DLG2: variants seen among roughly 807,000 people sequenced by gnomAD.
DLG2 encodes disks large homolog 2.
A neutral mutation model predicts 132.5 loss-of-function variants in DLG2; 45 were observed. The ratio of observed to expected loss-of-function variants is 0.34; its 90% CI spans 0.27 to 0.44. The LOEUF is 0.44. Ranked by LOEUF, DLG2 falls within the 20% of genes least tolerant of loss-of-function variation. DLG2 has a pLI of 1.00. For synonymous variants in DLG2, 424 were observed against 419.6 expected (o/e 1.01, Z -0.13); for missense variants, 1,045 against 1,196.9 (o/e 0.87, Z 1.87).
chr11:84,949,742 G>A (rs193181135), intron 6 of DLG2, among the ~76,000 whole-genome samples: 267 of 152,182 alleles, frequency 1.8e-3, no homozygotes, highest in Non-Finnish European at 3.1e-3. Context: ...ATTTTTCAGG[G>A]TGCCCACATT....
intron 8 of DLG2, among the ~76,000 whole-genome samples, chr11:84,236,306 G>A (rs1424193470): frequency 6.6e-6 from 1 of 152,234 alleles, no homozygotes; most frequent in Non-Finnish European, 1.5e-5. Context: ...TTCAAAGACA[G>A]GGAAATATCA....
chr11:85,162,916 C>T (rs1342636924), intron 4 of DLG2, among the ~76,000 whole-genome samples: 2 of 152,116 alleles, frequency 1.3e-5, no homozygotes, highest in Non-Finnish European at 2.9e-5. Context: ...AGGAGATGAA[C>T]ATTTGAGTCA....
chr11:85,296,919 A>T (rs2152782997), intron 3 of DLG2, among the ~76,000 whole-genome samples: 1 of 150,154 alleles, frequency 6.7e-6, no homozygotes, highest in East Asian at 1.9e-4. Flanking sequence ...AAAATGATAC[A>T]ATCATATTAT....
intron 11 of DLG2, among the ~76,000 whole-genome samples, chr11:84,040,581 T>C (rs879366294): frequency 0.017 from 2,555 of 152,222 alleles, 27 homozygotes; most frequent in Non-Finnish European, 0.025. Context: ...TTGATCCATA[T>C]CTCTGTTTTG....
At chr11:83,949,328 T>C (rs2084834273) in intron 14 of DLG2, among the ~76,000 whole-genome samples, 1 of 152,148 alleles carries the variant, frequency 6.6e-6, no homozygotes, top group Non-Finnish European at 1.5e-5. Flanking sequence ...ACTACACAAA[T>C]AGGTTTTAAC....
At chr11:84,799,788 A>G (rs1289743202) in intron 6 of DLG2, among the ~76,000 whole-genome samples, 3 of 152,222 alleles carry the variant, frequency 2.0e-5, no homozygotes, top group African/African-American at 4.8e-5. Context: ...TTTCCTGAGT[A>G]GCCTTCTCTG....
At chr11:85,392,358 C>T (rs1305521386) in intron 3 of DLG2, among the ~76,000 whole-genome samples, 8 of 151,724 alleles carry the variant, frequency 5.3e-5, no homozygotes, top group Non-Finnish European at 7.4e-5. Context: ...AATGACCATA[C>T]TGCCAAAAGC....
chr11:84,871,265 G>C (rs2085416680), intron 6 of DLG2, among the ~76,000 whole-genome samples: 1 of 152,170 alleles, frequency 6.6e-6, no homozygotes. Context: ...TAGCTCCCTA[G>C]AATCTTATTT....
intron 4 of DLG2, among the ~76,000 whole-genome samples, chr11:85,272,782 G>A (rs1306777746): frequency 5.9e-5 from 9 of 152,056 alleles, no homozygotes; most frequent in Non-Finnish European, 1.3e-4. Flanking sequence ...CCAAAAAAGA[G>A]CCCGCATCAC....
In DLG2 at chr11:85,598,422, T is replaced by C. The variant is rs567114904; in HGVS notation, c.40+235A>G. ...ATGAAACATTCTTTCAATATTTATA[T>C]CTTTCAATAACCTCTTTTTATTTAT... On this transcript the variant is annotated intron_variant, in intron 3 of 27. Coordinates refer to ENST00000376104, the MANE Select transcript of DLG2 (RefSeq NM_001142699.3). Among the ~76,000 whole-genome samples, 62 of 152,274 alleles carry C rather than the reference T, an allele frequency of 4.1e-4. 1 individual carries two copies. In the South Asian group the frequency reaches 0.012, roughly 30 times the overall value.
intron 19 of DLG2, among the ~76,000 whole-genome samples, chr11:83,619,783 T>G (rs2061360647): frequency 6.6e-6 from 1 of 152,012 alleles, no homozygotes; most frequent in Admixed American, 6.5e-5. Context: ...GCATAGGCCT[T>G]TTAGGTGGAG....
intron 16 of DLG2, among the ~76,000 whole-genome samples, chr11:83,844,098 C>T (rs953657432): frequency 1.3e-5 from 2 of 151,976 alleles, no homozygotes; most frequent in Non-Finnish European, 2.9e-5. Context: ...ACTGTGTGAG[C>T]CCAGTGGTGG....
At chr11:85,107,059 T>G (rs2071870639) in intron 6 of DLG2, among the ~76,000 whole-genome samples, 1 of 152,054 alleles carries the variant, frequency 6.6e-6, no homozygotes, top group African/African-American at 2.4e-5. Context: ...TAAATGAGAG[T>G]TGACATATTC....
intron 6 of DLG2, among the ~76,000 whole-genome samples, chr11:84,776,412 C>T (rs1215277597): frequency 6.6e-6 from 1 of 152,130 alleles, no homozygotes; most frequent in African/African-American, 2.4e-5. Flanking sequence ...CAGCCTTGGC[C>T]TCTAAAATAA....
At chr11:85,246,750 T>C (rs2076153149) in intron 4 of DLG2, among the ~76,000 whole-genome samples, 1 of 152,102 alleles carries the variant, frequency 6.6e-6, no homozygotes, top group Non-Finnish European at 1.5e-5. Context: ...GTTGTATAAT[T>C]GTAGTCATAT....
chr11:83,768,950 C>T (rs915947608), intron 18 of DLG2, among the ~76,000 whole-genome samples: 1 of 152,216 alleles, frequency 6.6e-6, no homozygotes, highest in Admixed American at 6.5e-5. Flanking sequence ...TGTTGTGTAA[C>T]TTCCCTGGGA....
chr11:84,875,479 T>C (rs2086195474), intron 6 of DLG2, among the ~76,000 whole-genome samples: 1 of 151,764 alleles, frequency 6.6e-6, no homozygotes, highest in African/African-American at 2.4e-5. Flanking sequence ...GAATCCAATA[T>C]GAATTCTTGA....
At chr11:85,167,051 C>A (rs534093687) in intron 4 of DLG2, among the ~76,000 whole-genome samples, 2 of 152,092 alleles carry the variant, frequency 1.3e-5, no homozygotes, top group East Asian at 3.9e-4. Context: ...GAATTCTTTT[C>A]TTTGGAAATG....
At chr11:85,263,106 C>T (rs1047297178) in intron 4 of DLG2, among the ~76,000 whole-genome samples, 1 of 152,152 alleles carries the variant, frequency 6.6e-6, no homozygotes, top group African/African-American at 2.4e-5. Flanking sequence ...CTCCAAGATG[C>T]ACTTTCCAAA....
Sources: allele counts gnomAD v4.1 joint callset (sites outside exome capture counted in the v4.1 genomes callset), GRCh38; gene constraint gnomAD v4.1.1; transcripts MANE v1.5; gene names NCBI Gene and HGNC (gene_info 2026-07-23, HGNC 2026-07-21).